Variants in GDA observed in about 807,000 individuals in gnomAD.
GDA encodes guanine deaminase, also known as cytoplasmic PSD-95 interactor.
In GDA, 18 loss-of-function variants were observed where a neutral mutation model predicts 59.6. That is an observed-to-expected ratio of 0.30 (90% CI 0.21 to 0.45). The LOEUF is 0.45. Ranked by LOEUF, GDA falls within the 20% of genes least tolerant of loss-of-function variation. The pLI, the probability that GDA is intolerant of heterozygous loss-of-function variation, is 1.00. For synonymous variants in GDA, 201 were observed against 201.1 expected, an observed-to-expected ratio of 1.00 and a Z score of 0.00; for missense variants, 427 against 552.3, an observed-to-expected ratio of 0.77 and a Z score of 2.27.
chr9:72,223,942 GT>G (rs993937463), intron 7 of GDA, among the ~76,000 whole-genome samples: 1 of 152,032 alleles, frequency 6.6e-6, no homozygotes, highest in Non-Finnish European at 1.5e-5. Context: ...GTAAATCAGT[GT>G]TTTTTTGGTT....
At chr9:72,198,618 C>A (rs1317239146) in intron 2 of GDA, among the ~76,000 whole-genome samples, 1 of 151,724 alleles carries the variant, frequency 6.6e-6, no homozygotes, top group Non-Finnish European at 1.5e-5. Flanking sequence ...TGTTTTACAG[C>A]CATGCATTTT....
At chr9:72,227,909 C>T (rs200060290) in intron 8 of GDA, 34 bp from the exon 9 acceptor site, 46 of 1,113,134 alleles carry the variant, frequency 4.1e-5, no homozygotes, top group Admixed American at 4.0e-4. Flanking sequence ...CATTTGTGAG[C>T]GGTAAACTCC....
chr9:72,195,339 T>TTC (rs1399199545), intron 1 of GDA, among the ~76,000 whole-genome samples, 161 bp from the exon 2 acceptor site: 1 of 119,224 alleles, frequency 8.4e-6, no homozygotes. Context: ...ACACCTGTCT[T>TTC]TTTTTTTTTT....
At position 72,250,593 on chromosome 9, in the gene GDA, C is replaced by T; in HGVS notation, c.*2251C>T. The T allele has an allele frequency of 2.0e-6, 3 of 1,500,856 alleles. No individual in the cohort carries two copies. Among genetic ancestry groups the T allele is most frequent in the Non-Finnish European group, 8.8e-7 (1 of 1,133,560 alleles). The allele number at this position is 1,500,856 out of a possible 1,614,324, so 93.0% of individuals were successfully genotyped here. A position where few individuals can be genotyped will look rare whatever the true frequency, so the allele number is the denominator to read the frequency against. On this transcript the variant is annotated 3_prime_UTR_variant, in exon 14 of 14. Coordinates refer to ENST00000358399, the MANE Select transcript of GDA (RefSeq NM_004293.5). ...CTGAATGTTATGTATGCTTTTTTTT[C>T]TGTACCACAGGCATTATCTATACCT... is the stretch of plus-strand genomic sequence containing the variant.
chr9:72,236,634 C>A (rs1442064201), intron 10 of GDA, among the ~76,000 whole-genome samples: 1 of 152,172 alleles, frequency 6.6e-6, no homozygotes, highest in Non-Finnish European at 1.5e-5. Context: ...GTATTCTTTC[C>A]CTCTCCCAGC....
At chr9:72,202,888 GT>G in intron 3 of GDA, 146 bp downstream of exon 3, 1 of 482,456 alleles carries the variant, frequency 2.1e-6, no homozygotes, top group Non-Finnish European at 3.5e-6. Context: ...TCACAGTCCA[GT>G]GAGTTTGTGA....
chr9:72,201,668 G>C (rs747743767), intron 2 of GDA, among the ~76,000 whole-genome samples: 1 of 152,152 alleles, frequency 6.6e-6, no homozygotes, highest in Non-Finnish European at 1.5e-5. Context: ...TGGCAGTAGA[G>C]GGTCCCATCT....
intron 5 of GDA, among the ~76,000 whole-genome samples, chr9:72,218,635 C>CT: frequency 6.6e-6 from 1 of 152,220 alleles, no homozygotes; most frequent in Non-Finnish European, 1.5e-5. Context: ...ATCCCATTCC[C>CT]CATGCACCTC....
At chr9:72,159,979 A>G (rs1481304769) in intron 1 of GDA, among the ~76,000 whole-genome samples, 1 of 152,102 alleles carries the variant, frequency 6.6e-6, no homozygotes, top group Non-Finnish European at 1.5e-5. Flanking sequence ...TACAACTACC[A>G]CCACACTGAC....
At chr9:72,226,602 C>T (rs906248431) in intron 8 of GDA, among the ~76,000 whole-genome samples, 9 of 152,070 alleles carry the variant, frequency 5.9e-5, no homozygotes, top group African/African-American at 2.2e-4. Flanking sequence ...ATGTACAAAC[C>T]GCATGGAGAG....
intron 1 of GDA, among the ~76,000 whole-genome samples, chr9:72,116,727 C>T (rs1825463812): frequency 1.3e-5 from 2 of 151,960 alleles, no homozygotes; most frequent in African/African-American, 2.4e-5. Flanking sequence ...TTTTTCAGAA[C>T]CCTTATCTTA....
In GDA at chr9:72,200,122, C is replaced by G. The variant is rs537681883; in HGVS notation, c.213-2449C>G. Among the ~76,000 whole-genome samples the G allele has an allele frequency of 2.0e-5, 3 of 151,812 alleles. No individual in the cohort carries two copies. In the East Asian group the frequency reaches 5.8e-4, roughly 30 times the overall value. On this transcript the variant is annotated intron_variant, in intron 2 of 13. Transcript: ENST00000358399. ...ACGCCATTCTCCTGCCTCAGCCGCC[C>G]GAGTAGCTGGGACTACAGGCGCCTG...
At chr9:72,189,347 AT>A (rs1027028230) in intron 1 of GDA, among the ~76,000 whole-genome samples, 1 of 151,048 alleles carries the variant, frequency 6.6e-6, no homozygotes, top group African/African-American at 2.4e-5. Flanking sequence ...TACCTGGCTA[AT>A]TTTTTTGATT....
At chr9:72,168,390 CTTTTTTT>C (rs77778231) in intron 1 of GDA, among the ~76,000 whole-genome samples, 4 of 105,882 alleles carry the variant, frequency 3.8e-5, no homozygotes, top group Admixed American at 1.1e-4. Context: ...GAGACTTTGT[CTTTTTTT>C]TTTTTTTTTT....
chr9:72,240,660 A>G (rs1023157475), intron 10 of GDA, among the ~76,000 whole-genome samples: 1 of 152,184 alleles, frequency 6.6e-6, no homozygotes, highest in Non-Finnish European at 1.5e-5. Context: ...TAGAAGAGAC[A>G]GGAAAAGAGA....
intron 1 of GDA, among the ~76,000 whole-genome samples, chr9:72,186,046 T>A (rs1453924465): frequency 6.6e-6 from 1 of 151,908 alleles, no homozygotes; most frequent in Non-Finnish European, 1.5e-5. Context: ...CCACCTAGAG[T>A]GTGGCCTGTG....
chr9:72,212,542 A>G (rs1407957159), intron 4 of GDA, among the ~76,000 whole-genome samples: 2 of 152,054 alleles, frequency 1.3e-5, no homozygotes, highest in African/African-American at 2.4e-5. Flanking sequence ...GACACCTTAT[A>G]TATATTATTG....
At chr9:72,218,919 G>A (rs1455535328) in intron 5 of GDA, among the ~76,000 whole-genome samples, 1 of 152,146 alleles carries the variant, frequency 6.6e-6, no homozygotes, top group African/African-American at 2.4e-5. Flanking sequence ...AGAACAGCCC[G>A]ACCGATGCTA....
intron 3 of GDA, among the ~76,000 whole-genome samples, chr9:72,205,252 A>T (rs1406091976): frequency 6.6e-6 from 1 of 151,938 alleles, no homozygotes; most frequent in African/African-American, 2.4e-5. Context: ...GGGTGTGGAG[A>T]TGTGTTAACT....
Sources: gnomAD v4.1 joint callset for allele counts (sites outside exome capture counted in the v4.1 genomes callset) on GRCh38, gnomAD v4.1.1 for gene constraint, MANE v1.5 for transcripts, NCBI Gene and HGNC (gene_info 2026-07-23, HGNC 2026-07-21) for gene names.